The following EYS variants were observed in gnomAD, a reference collection of about 807,000 sequenced individuals.
The protein encoded by EYS is EGF-like photoreceptor maintenance factor.
EYS carries 250 observed loss-of-function variants against 282.1 expected under a neutral mutation model. The ratio of observed to expected loss-of-function variants is 0.89; its 90% CI spans 0.80 to 0.98. The LOEUF is 0.98. Ranked by LOEUF, EYS falls within the 50% of genes least tolerant of loss-of-function variation. The pLI is 0.00. For missense variants in EYS, 4,016 were observed against 3,709.0 expected (o/e 1.08, Z -2.15); for synonymous variants, 1,355 against 1,282.9 (o/e 1.06, Z -1.20).
At chr6:65,447,841 GTAGT>G (rs144540725) in intron 5 of EYS, among the ~76,000 whole-genome samples, 28,058 of 151,858 alleles carry the variant, frequency 0.18, 3,223 homozygotes, top group Middle Eastern at 0.3. Flanking sequence ...ACTGGGAAAA[GTAGT>G]TAGTTGTCTA....
chr6:64,067,593 C>T (rs544969245), intron 32 of EYS, among the ~76,000 whole-genome samples: 69 of 152,202 alleles, frequency 4.5e-4, no homozygotes, highest in African/African-American at 1.6e-3. Context: ...ATTTTTATTA[C>T]AGGATATAGT....
chr6:64,488,963 A>G (rs887464062), intron 26 of EYS, among the ~76,000 whole-genome samples: 3 of 150,864 alleles, frequency 2.0e-5, no homozygotes, highest in Admixed American at 6.6e-5. Flanking sequence ...TATTTAATCT[A>G]TTTCTATATG....
chr6:64,023,482 AT>A (rs1769293096), intron 33 of EYS, among the ~76,000 whole-genome samples: 1 of 152,228 alleles, frequency 6.6e-6, no homozygotes, highest in Non-Finnish European at 1.5e-5. Flanking sequence ...GTACACTTAT[AT>A]TTTACACTTT....
At chr6:64,320,306 C>T (rs535931967) in intron 29 of EYS, among the ~76,000 whole-genome samples, 7 of 151,798 alleles carry the variant, frequency 4.6e-5, no homozygotes, top group Admixed American at 2.0e-4. Flanking sequence ...TCTTTTGGAA[C>T]TCCAGTTACT....
chr6:64,165,808 A>G (rs1310244828), intron 31 of EYS, among the ~76,000 whole-genome samples: 1 of 152,182 alleles, frequency 6.6e-6, no homozygotes, highest in East Asian at 1.9e-4. Context: ...GTGCTTATCC[A>G]ATATACTGAT....
At chr6:64,294,055 C>T (rs935286214) in intron 30 of EYS, among the ~76,000 whole-genome samples, 4 of 150,762 alleles carry the variant, frequency 2.7e-5, no homozygotes, top group Non-Finnish European at 5.9e-5. Flanking sequence ...ATGTAGGTGA[C>T]TATAAAATAG....
intron 22 of EYS, among the ~76,000 whole-genome samples, chr6:64,780,205 A>T (rs912790456): frequency 1.1e-4 from 17 of 152,246 alleles, no homozygotes; most frequent in African/African-American, 3.9e-4. Flanking sequence ...ATTAAAAATA[A>T]CCATGTCATT....
intron 29 of EYS, among the ~76,000 whole-genome samples, chr6:64,360,419 G>C (rs992890151): frequency 6.6e-6 from 1 of 151,648 alleles, no homozygotes; most frequent in African/African-American, 2.4e-5. Flanking sequence ...GAAGTTACTC[G>C]GCCTTCTTGT....
At chr6:64,660,926 C>T (rs1468111321) in intron 22 of EYS, among the ~76,000 whole-genome samples, 3 of 152,166 alleles carry the variant, frequency 2.0e-5, no homozygotes, top group Admixed American at 6.5e-5. Flanking sequence ...GCCCGCATTG[C>T]CAAGTCAATC....
chr6:64,611,120 C>A (rs1424921884), intron 24 of EYS, among the ~76,000 whole-genome samples: 1 of 152,120 alleles, frequency 6.6e-6, no homozygotes, highest in Non-Finnish European at 1.5e-5. Context: ...GTTACCAGAG[C>A]CTAATTGATC....
chr6:63,989,606 G>A (rs1372871446), intron 34 of EYS, among the ~76,000 whole-genome samples: 1 of 150,942 alleles, frequency 6.6e-6, no homozygotes, highest in East Asian at 2.0e-4. Flanking sequence ...TTGGATTCTT[G>A]GAGTCCATAG....
At chr6:64,762,373 C>T (rs1399487405) in intron 22 of EYS, among the ~76,000 whole-genome samples, 1 of 152,142 alleles carries the variant, frequency 6.6e-6, no homozygotes, top group East Asian at 1.9e-4. Flanking sequence ...TCATTACCTG[C>T]ACAGCCGTCT....
chr6:65,183,419 A>C (rs2150234960), intron 12 of EYS, among the ~76,000 whole-genome samples: 1 of 151,998 alleles, frequency 6.6e-6, no homozygotes. Context: ...TTCCAAATAC[A>C]ATTTCGGAGT....
intron 31 of EYS, among the ~76,000 whole-genome samples, chr6:64,117,785 T>A (rs1773439950): frequency 6.6e-6 from 1 of 151,936 alleles, no homozygotes; most frequent in Non-Finnish European, 1.5e-5. Flanking sequence ...GATAACATAG[T>A]CTTATATATT....
intron 35 of EYS, among the ~76,000 whole-genome samples, chr6:63,908,033 CGTTTGTGTGTGTGTGTGT>C (rs1773825953): frequency 5.4e-5 from 6 of 110,480 alleles, no homozygotes; most frequent in African/African-American, 1.9e-4. Context: ...TATATATATA[CGTTTGTGTGTGTGTGTGT>C]GTGTGTGTGT....
At chr6:64,955,627 A>G (rs562355834) in intron 14 of EYS, among the ~76,000 whole-genome samples, 12 of 152,322 alleles carry the variant, frequency 7.9e-5, no homozygotes, top group Non-Finnish European at 1.5e-4. Context: ...GCTAATTGTA[A>G]TATCATCGGC....
At chr6:65,675,877 T>C (rs1263760425) in intron 1 of EYS, among the ~76,000 whole-genome samples, 4 of 151,794 alleles carry the variant, frequency 2.6e-5, no homozygotes, top group Non-Finnish European at 5.9e-5. Context: ...TTTAAAACGA[T>C]TGAAATCACA....
At chr6:64,257,590 G>A (rs1014086523) in intron 30 of EYS, among the ~76,000 whole-genome samples, 2 of 151,900 alleles carry the variant, frequency 1.3e-5, no homozygotes, top group African/African-American at 4.8e-5. Flanking sequence ...TTTATCTCCA[G>A]TATAAAGTGA....
chr6:63,731,970 G>C (rs190502693), intron 41 of EYS, among the ~76,000 whole-genome samples: 148 of 148,776 alleles, frequency 9.9e-4, no homozygotes, highest in Non-Finnish European at 1.6e-3. Flanking sequence ...CATCTGGGAG[G>C]GGGGGTCTCA....
Sources: allele counts gnomAD v4.1 joint callset (sites outside exome capture counted in the v4.1 genomes callset), GRCh38; gene constraint gnomAD v4.1.1; transcripts MANE v1.5; gene names NCBI Gene and HGNC (gene_info 2026-07-23, HGNC 2026-07-21).